ASIC2: variants seen among roughly 807,000 people sequenced by gnomAD.
The protein encoded by ASIC2 is acid sensing ion channel subunit 2.
A neutral mutation model predicts 57.3 loss-of-function variants in ASIC2; 25 were observed. The observed-to-expected ratio is 0.44, with a 90% CI of 0.32 to 0.61. ASIC2 has a LOEUF of 0.61. Ranked by LOEUF, ASIC2 falls within the 20% of genes least tolerant of loss-of-function variation. The pLI, the probability that ASIC2 is intolerant of heterozygous loss-of-function variation, is 0.06. For missense variants in ASIC2, 641 were observed against 738.1 expected, an observed-to-expected ratio of 0.87 and a Z score of 1.52; for synonymous variants, 319 against 307.5, an observed-to-expected ratio of 1.04 and a Z score of -0.39.
intron 1 of ASIC2, among the ~76,000 whole-genome samples, chr17:34,089,622 T>C (rs1180845478): frequency 6.6e-6 from 1 of 152,184 alleles, no homozygotes; most frequent in Non-Finnish European, 1.5e-5. Flanking sequence ...CCTTAAAATA[T>C]ACTTCCCTCA....
intron 1 of ASIC2, among the ~76,000 whole-genome samples, chr17:34,096,662 G>A (rs1910557310): frequency 1.3e-5 from 2 of 151,926 alleles, no homozygotes; most frequent in African/African-American, 4.8e-5. Flanking sequence ...TGACCATCCT[G>A]GCTAACACGG....
intron 1 of ASIC2, among the ~76,000 whole-genome samples, chr17:33,827,337 C>CTTTTTTTTTTTGTTTTTTTTTTTT (rs1912955186): frequency 1.3e-5 from 1 of 76,536 alleles, no homozygotes; most frequent in Non-Finnish European, 2.6e-5. Context: ...GCAGCTCACT[C>CTTTTTTTTTTTGTTTTTTTTTTTT]TTTTTTTTTT....
chr17:33,745,076 C>G (rs114979902), intron 1 of ASIC2, among the ~76,000 whole-genome samples: 4,105 of 152,210 alleles, frequency 0.027, 207 homozygotes, highest in African/African-American at 0.094. Context: ...TTTAAGTGTA[C>G]CAAAATAAAT....
chr17:33,253,578 C>G (rs1050840527), intron 1 of ASIC2, among the ~76,000 whole-genome samples: 2 of 152,214 alleles, frequency 1.3e-5, no homozygotes, highest in Non-Finnish European at 2.9e-5. Flanking sequence ...ACAAAGGTTT[C>G]TGCCTCTGCA....
intron 1 of ASIC2, among the ~76,000 whole-genome samples, chr17:33,257,467 G>T (rs140498359): frequency 1.3e-5 from 2 of 152,208 alleles, no homozygotes; most frequent in Admixed American, 6.5e-5. Flanking sequence ...GTATATAGGC[G>T]AAGTGGCTGT....
In ASIC2 at chr17:33,111,774, C is replaced by T. The variant is rs2092259051; in HGVS notation, c.859+143G>A. The T allele has an allele frequency of 4.9e-6, 6 of 1,230,746 alleles. No individual in the cohort carries two copies. In the East Asian group the frequency reaches 1.6e-4, roughly 33 times the overall value. 76.2% of individuals were successfully genotyped at this position (1,230,746 alleles called of 1,614,324 possible). A position where few individuals can be genotyped will look rare whatever the true frequency, so the allele number is the denominator to read the frequency against. On this transcript the variant is annotated intron_variant, in intron 2 of 9. Transcript: ENST00000225823. Reference sequence around the variant, plus strand: ...GCATCCCAGCCCAAGCCAGGGACATCTTTATGATCTAGCAGCATGTCACAA... The same window carrying T: ...GCATCCCAGCCCAAGCCAGGGACATTTTTATGATCTAGCAGCATGTCACAA...
At chr17:33,466,531 CT>C (rs1335248684) in intron 1 of ASIC2, among the ~76,000 whole-genome samples, 1 of 152,118 alleles carries the variant, frequency 6.6e-6, no homozygotes, top group Non-Finnish European at 1.5e-5. Flanking sequence ...AGAGCCCACA[CT>C]GCCAAGACAA....
intron 1 of ASIC2, among the ~76,000 whole-genome samples, chr17:33,678,211 A>G (rs1168598037): frequency 6.6e-6 from 1 of 152,134 alleles, no homozygotes; most frequent in East Asian, 1.9e-4. Flanking sequence ...TTTTAGACAT[A>G]CTGCTATTGC....
chr17:33,060,378 A>T lies in ASIC2; in HGVS notation c.987+28485T>A, dbSNP rs1014402259. Among the ~76,000 whole-genome samples, 7 of 152,204 alleles carry T rather than the reference A, an allele frequency of 4.6e-5. No individual in the cohort carries two copies. The East Asian group carries it at 1.3e-3, about 29-fold the overall frequency. On this transcript the variant is annotated intron_variant, in intron 3 of 9. Coordinates refer to ENST00000225823, the MANE Select transcript of ASIC2 (RefSeq NM_183377.2). Reference sequence around the variant, plus strand: ...GGGATCCAGTTTCAGCTTTCTACGTATGGCTAGCCAGTTTTCCCAGCACCG... The same window carrying T: ...GGGATCCAGTTTCAGCTTTCTACGTTTGGCTAGCCAGTTTTCCCAGCACCG...
chr17:33,350,606 C>T (rs1275480419), intron 1 of ASIC2, among the ~76,000 whole-genome samples: 21 of 151,482 alleles, frequency 1.4e-4, no homozygotes, highest in East Asian at 5.8e-4. Flanking sequence ...GGCTTGAACC[C>T]GGGAAGCAGA....
intron 1 of ASIC2, among the ~76,000 whole-genome samples, chr17:33,729,977 C>G (rs542263237): frequency 6.6e-6 from 1 of 152,314 alleles, no homozygotes; most frequent in African/African-American, 2.4e-5. Context: ...GATCTTCCCA[C>G]ACCTCACTGC....
intron 1 of ASIC2, among the ~76,000 whole-genome samples, chr17:33,511,284 C>A (rs1650267450): frequency 6.6e-6 from 1 of 152,102 alleles, no homozygotes. Context: ...TAGTTCCTTT[C>A]CTGGATGCTG....
At chr17:34,151,986 A>G (rs1481271273) in intron 1 of ASIC2, among the ~76,000 whole-genome samples, 3 of 152,162 alleles carry the variant, frequency 2.0e-5, no homozygotes, top group African/African-American at 7.2e-5. Flanking sequence ...CCTAAAACTC[A>G]CATTCTTCAC....
intron 1 of ASIC2, among the ~76,000 whole-genome samples, chr17:33,196,520 A>G (rs1906635951): frequency 6.6e-6 from 1 of 152,138 alleles, no homozygotes; most frequent in African/African-American, 2.4e-5. Context: ...GCATACATAG[A>G]ATTACAATGG....
intron 1 of ASIC2, among the ~76,000 whole-genome samples, chr17:33,972,937 A>C (rs899576225): frequency 6.6e-6 from 1 of 152,226 alleles, no homozygotes; most frequent in African/African-American, 2.4e-5. Flanking sequence ...CTTCTGTGCA[A>C]ATCAGAGACT....
chr17:33,759,716 G>A (rs1216357738), intron 1 of ASIC2, among the ~76,000 whole-genome samples: 1 of 152,182 alleles, frequency 6.6e-6, no homozygotes, highest in Non-Finnish European at 1.5e-5. Context: ...CCCCCATGCA[G>A]TGCTCCTTGG....
intron 1 of ASIC2, among the ~76,000 whole-genome samples, chr17:33,851,178 G>A (rs566020880): frequency 1.2e-4 from 18 of 152,284 alleles, no homozygotes; most frequent in South Asian, 2.1e-4. Context: ...GCCTCCTGTC[G>A]GAAGGAACTA....
At position 33,544,915 on chromosome 17, in the gene ASIC2, G is replaced by A. The variant is rs562346370; in HGVS notation, c.556-432848C>T. On this transcript the variant is annotated intron_variant, in intron 1 of 9. Transcript: ENST00000359872. ...GAGTTTCCCTGTGTGCCATCAGCCT[G>A]TTGATGGTGCAGCATTTTTAAAAGA... Among the ~76,000 whole-genome samples the A allele has an allele frequency of 2.6e-5, 4 of 152,032 alleles. No individual in the cohort carries two copies. In the South Asian group the frequency reaches 6.2e-4, roughly 24 times the overall value.
chr17:33,211,019 T>C (rs1907248276), intron 1 of ASIC2, among the ~76,000 whole-genome samples: 1 of 152,122 alleles, frequency 6.6e-6, no homozygotes, highest in African/African-American at 2.4e-5. Flanking sequence ...CAAATAAAGG[T>C]ATAAGCAATG....
Sources: gnomAD v4.1 joint callset for allele counts (sites outside exome capture counted in the v4.1 genomes callset) on GRCh38, gnomAD v4.1.1 for gene constraint, MANE v1.5 for transcripts, NCBI Gene and HGNC (gene_info 2026-07-23, HGNC 2026-07-21) for gene names.